LRRC69: variants seen among roughly 807,000 people sequenced by gnomAD.
LRRC69 encodes the protein leucine rich repeat containing 69, also known as leucine-rich repeat-containing protein 69.
Under a neutral mutation model 37.8 loss-of-function variants are expected in LRRC69, and 42 were observed. The observed-to-expected ratio is 1.11, with a 90% CI of 0.87 to 1.44. The LOEUF (loss-of-function observed/expected upper bound fraction) is 1.44. LRRC69 is among the 40% of genes most tolerant of loss of function. The pLI is 0.00. For synonymous variants in LRRC69, 141 were observed against 143.1 expected, an observed-to-expected ratio of 0.99 and a Z score of 0.11; for missense variants, 357 against 401.9, an observed-to-expected ratio of 0.89 and a Z score of 0.96.
At chr8:91,109,386 C>T (rs1813373413) in intron 1 of LRRC69, among the ~76,000 whole-genome samples, 1 of 152,012 alleles carries the variant, frequency 6.6e-6, no homozygotes, top group African/African-American at 2.4e-5. Flanking sequence ...CCTAAAGTTG[C>T]CATCACTGTT....
intron 5 of LRRC69, among the ~76,000 whole-genome samples, chr8:91,172,113 C>G (rs531295901): frequency 1.3e-5 from 2 of 152,030 alleles, no homozygotes; most frequent in Admixed American, 6.6e-5. Flanking sequence ...ATCACTATTT[C>G]TACTGGCTAT....
intron 6 of LRRC69, among the ~76,000 whole-genome samples, chr8:91,197,153 C>G (rs1412348274): frequency 6.6e-6 from 1 of 152,140 alleles, no homozygotes; most frequent in Admixed American, 6.5e-5. Context: ...TTAGGCTACT[C>G]GGGGGTCAGG....
intron 5 of LRRC69, among the ~76,000 whole-genome samples, chr8:91,179,690 A>G (rs1334028450): frequency 6.6e-6 from 1 of 152,202 alleles, no homozygotes; most frequent in Non-Finnish European, 1.5e-5. Context: ...TTATTGATAA[A>G]TATTATTTTT....
chr8:91,161,256 CTTG>C (rs948142399), intron 5 of LRRC69, among the ~76,000 whole-genome samples: 7 of 150,958 alleles, frequency 4.6e-5, no homozygotes, highest in Admixed American at 1.3e-4. Flanking sequence ...TGTAGTTTTT[CTTG>C]TTGTTGTTGT....
At chr8:91,122,089 C>T (rs1371127654) in intron 1 of LRRC69, among the ~76,000 whole-genome samples, 1 of 151,996 alleles carries the variant, frequency 6.6e-6, no homozygotes, top group Non-Finnish European at 1.5e-5. Flanking sequence ...TAAGAACTTA[C>T]CACATAACAT....
At position 91,168,037 on chromosome 8, in the gene LRRC69, G is replaced by A. The variant is rs370359252; in HGVS notation, c.652-21485G>A. 7.2e-5 allele frequency among the ~76,000 whole-genome samples: 11 copies of A among 151,876 alleles called. No individual in the cohort carries two copies. In the South Asian group the frequency reaches 2.3e-3, roughly 32 times the overall value. Reference sequence around the variant, plus strand: ...ACTTTTGTAGACATCTGGATACAGAGGTGAATAATACAAATTCCCTGCCCT... The same window carrying A: ...ACTTTTGTAGACATCTGGATACAGAAGTGAATAATACAAATTCCCTGCCCT... On this transcript the variant is annotated intron_variant, in intron 5 of 7. Coordinates refer to ENST00000448384, the Ensembl canonical transcript of LRRC69.
At chr8:91,214,342 G>A (rs761913371) in intron 7 of LRRC69, among the ~76,000 whole-genome samples, 3 of 152,132 alleles carry the variant, frequency 2.0e-5, no homozygotes, top group East Asian at 1.9e-4. Context: ...AAGTGAATAC[G>A]TTTAACCCTC....
chr8:91,182,481 T>C (rs1457227581), intron 5 of LRRC69, among the ~76,000 whole-genome samples: 1 of 152,230 alleles, frequency 6.6e-6, no homozygotes. Flanking sequence ...CTACGTACTG[T>C]GATAATAACA....
intron 5 of LRRC69, among the ~76,000 whole-genome samples, chr8:91,164,027 T>G (rs1057477799): frequency 6.6e-5 from 10 of 151,494 alleles, no homozygotes; most frequent in Non-Finnish European, 1.3e-4. Flanking sequence ...AATATTTTAT[T>G]TGTTGTCAGG....
chr8:91,168,584 G>A (rs1231105344), intron 5 of LRRC69, among the ~76,000 whole-genome samples: 4 of 152,048 alleles, frequency 2.6e-5, no homozygotes, highest in African/African-American at 9.6e-5. Flanking sequence ...ACTGTAAAGT[G>A]CAAGCACGAA....
chr8:91,153,933 T>G lies in LRRC69; in HGVS notation c.651+18194T>G, dbSNP rs193141949. 8.0e-4 allele frequency among the ~76,000 whole-genome samples: 122 copies of G among 151,996 alleles called. 1 individual carries two copies. The highest frequency in any genetic ancestry group is 1.8e-3 in the Admixed American group (28 of 15,214). On this transcript the variant is annotated intron_variant, in intron 5 of 7. Coordinates refer to ENST00000448384, the Ensembl canonical transcript of LRRC69. ...AAAATCAATGAATCCAGGAGCTGGT[T>G]TTTTGAAAAAATTAATAAAATAGAT...
At chr8:91,150,456 G>A (rs1808712264) in intron 5 of LRRC69, among the ~76,000 whole-genome samples, 2 of 152,066 alleles carry the variant, frequency 1.3e-5, no homozygotes, top group South Asian at 4.1e-4. Flanking sequence ...TGGTGGATAA[G>A]CTTTTTGATG....
chr8:91,118,128 T>C (rs938861842), intron 1 of LRRC69: 1 of 454,776 alleles, frequency 2.2e-6, no homozygotes, highest in African/African-American at 2.0e-5. Context: ...AAGATAAAAG[T>C]GCTACCCATT....
rs535905848 is a variant in LRRC69 at position 91,202,197 on chromosome 8, CTCTG to C, written c.933+1409_933+1412del. ...CTCCAGCCTAGGCAACAGAGCGAGA[CTCTG>C]TCTAAAACAAAAACAAAAACAAAAA... On this transcript the variant is annotated intron_variant, in intron 7 of 7. Coordinates refer to ENST00000448384, the Ensembl canonical transcript of LRRC69. 1.1e-3 allele frequency among the ~76,000 whole-genome samples: 160 copies of C among 151,940 alleles called. No homozygotes were observed. The Middle Eastern group carries it at 0.014, about 13-fold the overall frequency.
chr8:91,167,643 G>A (rs1809052963), intron 5 of LRRC69, among the ~76,000 whole-genome samples: 1 of 152,062 alleles, frequency 6.6e-6, no homozygotes, highest in African/African-American at 2.4e-5. Context: ...CGGAACCCTC[G>A]TTTGTAGCAT....
At chr8:91,138,235 A>G (rs1808454409) in intron 5 of LRRC69, among the ~76,000 whole-genome samples, 1 of 151,948 alleles carries the variant, frequency 6.6e-6, no homozygotes, top group Admixed American at 6.6e-5. Flanking sequence ...GCAATCATCT[A>G]CTCTCTACTG....
At chr8:91,169,645 A>C in intron 5 of LRRC69, among the ~76,000 whole-genome samples, 1 of 102,772 alleles carries the variant, frequency 9.7e-6, no homozygotes, top group South Asian at 4.6e-4. Context: ...AGCATTAGGT[A>C]TATCTCCCAA....
intron 2 of LRRC69, among the ~76,000 whole-genome samples, chr8:91,125,068 C>A (rs1345386274): frequency 6.6e-6 from 1 of 151,716 alleles, no homozygotes; most frequent in African/African-American, 2.4e-5. Context: ...GATATGAGAT[C>A]CAATAAGCAT....
chr8:91,187,677 T>G (rs774849823), intron 5 of LRRC69, among the ~76,000 whole-genome samples: 1 of 152,222 alleles, frequency 6.6e-6, no homozygotes, highest in Non-Finnish European at 1.5e-5. Flanking sequence ...TTCATACTGA[T>G]ACCCTGCCTC....
Sources: allele counts gnomAD v4.1 joint callset (sites outside exome capture counted in the v4.1 genomes callset), GRCh38; gene constraint gnomAD v4.1.1; transcripts MANE v1.5; gene names NCBI Gene and HGNC (gene_info 2026-07-23, HGNC 2026-07-21).